The following LUZP2 variants were observed in gnomAD, a reference collection of about 807,000 sequenced individuals.
LUZP2 encodes leucine zipper protein 2.
LUZP2 carries 52 observed loss-of-function variants against 51.6 expected under a neutral mutation model. That is an observed-to-expected ratio of 1.01 (90% confidence interval 0.81 to 1.27). The LOEUF is 1.27. Ranked by LOEUF, LUZP2 falls within the 50% of genes most tolerant of loss-of-function variation. The pLI is 0.00. For synonymous variants in LUZP2, 154 were observed against 137.3 expected (o/e 1.12, Z -0.85); for missense variants, 436 against 395.4 (o/e 1.10, Z -0.87).
At chr11:24,703,201 C>T (rs1309002017) in intron 1 of LUZP2, among the ~76,000 whole-genome samples, 1 of 152,166 alleles carries the variant, frequency 6.6e-6, no homozygotes, top group Non-Finnish European at 1.5e-5. Flanking sequence ...TAGGAAGATT[C>T]CTCCTACTGA....
intron 1 of LUZP2, among the ~76,000 whole-genome samples, chr11:24,580,166 C>G (rs901020551): frequency 1.3e-5 from 2 of 151,916 alleles, no homozygotes; most frequent in African/African-American, 4.8e-5. Flanking sequence ...CAATGTAATC[C>G]ACAGATGTTT....
At chr11:24,748,903 A>G (rs771439629) in intron 4 of LUZP2, among the ~76,000 whole-genome samples, 60 of 152,308 alleles carry the variant, frequency 3.9e-4, no homozygotes, top group South Asian at 8.3e-4. Context: ...AGAGTAATAT[A>G]TTTCAACAAA....
chr11:24,870,655 G>A (rs767461574), intron 5 of LUZP2, among the ~76,000 whole-genome samples: 1 of 152,018 alleles, frequency 6.6e-6, no homozygotes, highest in Admixed American at 6.6e-5. Context: ...AAAGTCTCTG[G>A]GCTTTTGATG....
At chr11:24,944,738 T>C (rs140941607) in intron 7 of LUZP2, among the ~76,000 whole-genome samples, 108 of 152,106 alleles carry the variant, frequency 7.1e-4, no homozygotes, top group African/African-American at 2.5e-3. Context: ...TGAGAGAGAA[T>C]AGGGAGTTTC....
chr11:24,527,567 T>TCTCTCACACACACA (rs796404136), intron 1 of LUZP2, among the ~76,000 whole-genome samples: 26 of 131,642 alleles, frequency 2.0e-4, no homozygotes, highest in African/African-American at 7.1e-4. Context: ...TCTCTCTCTC[T>TCTCTCACACACACA]CACACACACA....
intron 1 of LUZP2, among the ~76,000 whole-genome samples, chr11:24,537,550 CACAT>C (rs1206774339): frequency 6.6e-6 from 1 of 151,722 alleles, no homozygotes; most frequent in Non-Finnish European, 1.5e-5. Context: ...TTAAATAAAA[CACAT>C]ATATATTCAA....
At chr11:24,527,336 G>A (rs1214314579) in intron 1 of LUZP2, among the ~76,000 whole-genome samples, 1 of 151,112 alleles carries the variant, frequency 6.6e-6, no homozygotes. Flanking sequence ...TATAAGGGAA[G>A]TCAAAATGGC....
intron 1 of LUZP2, among the ~76,000 whole-genome samples, chr11:24,574,728 C>G (rs2133808950): frequency 1.3e-5 from 2 of 152,140 alleles, no homozygotes; most frequent in Middle Eastern, 3.4e-3. Flanking sequence ...TAAAGTTATC[C>G]TATCCTCTCA....
At chr11:24,965,709 A>G (rs958219241) in intron 7 of LUZP2, among the ~76,000 whole-genome samples, 2 of 151,798 alleles carry the variant, frequency 1.3e-5, no homozygotes, top group Non-Finnish European at 3.0e-5. Context: ...TTAGGAAGAG[A>G]GTTTAAAGAA....
chr11:24,865,887 G>A (rs1354722682), intron 5 of LUZP2, among the ~76,000 whole-genome samples: 1 of 151,642 alleles, frequency 6.6e-6, no homozygotes, highest in Admixed American at 6.6e-5. Context: ...TTGGCTCACT[G>A]CAACCTCTCC....
At chr11:24,879,091 C>T (rs2134287588) in intron 5 of LUZP2, among the ~76,000 whole-genome samples, 1 of 152,048 alleles carries the variant, frequency 6.6e-6, no homozygotes, top group Non-Finnish European at 1.5e-5. Context: ...ACTACAGGCG[C>T]CCACCACCAT....
At chr11:24,707,132 A>T (rs1299048463) in intron 1 of LUZP2, among the ~76,000 whole-genome samples, 2 of 152,072 alleles carry the variant, frequency 1.3e-5, no homozygotes, top group Non-Finnish European at 2.9e-5. Flanking sequence ...TTTGATTTTT[A>T]TATTTGAAAT....
chr11:24,976,500 T>C, intron 7 of LUZP2, 91 bp from the exon 8 acceptor site: 1 of 756,904 alleles, frequency 1.3e-6, no homozygotes, highest in Admixed American at 3.1e-5. Flanking sequence ...TTTTCTCTCT[T>C]TTTACAATTC....
intron 1 of LUZP2, among the ~76,000 whole-genome samples, chr11:24,562,712 A>AAAG (rs3077931): frequency 6.7e-6 from 1 of 148,850 alleles, no homozygotes; most frequent in African/African-American, 2.5e-5. Flanking sequence ...AAAAAAAAAA[A>AAAG]TTACCTGGGC....
chr11:24,566,599 T>G lies in LUZP2; in HGVS notation c.62+69294T>G, dbSNP rs1479048578. 2.8e-3 allele frequency among the ~76,000 whole-genome samples: 358 copies of G among 127,996 alleles called. 3 individuals are homozygous for G. Among genetic ancestry groups the G allele is most frequent in the African/African-American group, 0.011 (347 of 31,964 alleles). The allele number at this position is 127,996 out of a possible 152,430, so 84.0% of individuals were successfully genotyped here. The stretch of plus-strand genomic sequence containing the variant: ...ACACATATATATGTATGTGTGTATA[T>G]ATATATGTATGTATGTATAGATATA... On this transcript the variant is annotated intron_variant, in intron 1 of 11. Transcript: ENST00000336930.
chr11:24,548,392 A>T lies in LUZP2; in HGVS notation c.62+51087A>T, dbSNP rs534735145. Among the ~76,000 whole-genome samples the T allele has an allele frequency of 3.3e-5, 5 of 152,184 alleles. No homozygotes were observed. In the East Asian group the frequency reaches 9.7e-4, roughly 29 times the overall value. On this transcript the variant is annotated intron_variant, in intron 1 of 11. Coordinates refer to ENST00000336930, the MANE Select transcript of LUZP2 (RefSeq NM_001009909.4). ...GCCAGCAACAAAAAATGAGATCGTGACCTTTGCTGCAACATGGATGGCGCT... is the reference window on the plus strand; with the variant it reads ...GCCAGCAACAAAAAATGAGATCGTGTCCTTTGCTGCAACATGGATGGCGCT...
chr11:25,029,885 G>A (rs562055643), intron 9 of LUZP2, among the ~76,000 whole-genome samples: 3 of 151,878 alleles, frequency 2.0e-5, no homozygotes, highest in Non-Finnish European at 4.4e-5. Flanking sequence ...TTTTATAGAA[G>A]TATAAACAAT....
At chr11:24,753,260 A>G (rs1590454008) in intron 4 of LUZP2, among the ~76,000 whole-genome samples, 1 of 152,292 alleles carries the variant, frequency 6.6e-6, no homozygotes, top group Middle Eastern at 3.4e-3. Flanking sequence ...TGAAGGATAC[A>G]GAGGAAGAGA....
At chr11:24,922,669 G>A (rs1398786241) in intron 7 of LUZP2, among the ~76,000 whole-genome samples, 2 of 151,996 alleles carry the variant, frequency 1.3e-5, no homozygotes, top group Non-Finnish European at 2.9e-5. Context: ...TCCAGAAGCT[G>A]TAAGCTTGTC....
Sources: gnomAD v4.1 joint callset for allele counts (sites outside exome capture counted in the v4.1 genomes callset) on GRCh38, gnomAD v4.1.1 for gene constraint, MANE v1.5 for transcripts, NCBI Gene and HGNC (gene_info 2026-07-23, HGNC 2026-07-21) for gene names.